Variants in EFNB2 observed in about 807,000 individuals in gnomAD.
The protein encoded by EFNB2 is ephrin-B2.
Under a neutral mutation model 32.1 loss-of-function variants are expected in EFNB2, and 5 were observed. The observed-to-expected ratio is 0.16, with a 90% CI of 0.08 to 0.33. The LOEUF (loss-of-function observed/expected upper bound fraction) is 0.33, where lower values mean the gene tolerates loss of function less well. Among genes scored for constraint, EFNB2 ranks in the 10% least tolerant of loss-of-function variants. The pLI is 1.00. For missense variants in EFNB2, 263 were observed against 422.6 expected (o/e 0.62, Z 3.31); for synonymous variants, 168 against 166.5 (o/e 1.01, Z -0.07).
Position 106,512,542 on chromosome 13 carries a change from A to G in EFNB2, c.393T>C (p.Asp131=), listed in dbSNP as rs770243109. 4 of 1,599,344 alleles carry G rather than the reference A, an allele frequency of 2.5e-6. No individual in the cohort carries two copies. The South Asian group carries it at 3.4e-5, about 14-fold the overall frequency. The change falls in exon 2 of 5, where the codon GAT becomes GAC. Residue 131 remains aspartate, a synonymous_variant. Coordinates refer to ENST00000646441, the MANE Select transcript of EFNB2 (RefSeq NM_004093.4). ...AATTATACTTACATATAATGTAATA[A>G]TCTTTGTTCTTCTGAAATTCTAGAC... ...LWGLEFQKNK[D]YYIISTSNGS...
Position 106,535,039 on chromosome 13 carries a change from C to T in EFNB2, c.-75G>A. Reference sequence around the variant, plus strand: ...GGGACGCAGGCTGGGACCCCCAATCCTCCGGGGCAGACTGGCGGGGAAGAC... The same window carrying T: ...GGGACGCAGGCTGGGACCCCCAATCTTCCGGGGCAGACTGGCGGGGAAGAC... On this transcript the variant is annotated 5_prime_UTR_variant, in exon 1 of 5. Coordinates refer to ENST00000646441, the MANE Select transcript of EFNB2 (RefSeq NM_004093.4). 1.3e-6 allele frequency: 2 copies of T among 1,574,498 alleles called. No homozygotes were observed. Among genetic ancestry groups the T allele is most frequent in the South Asian group, 1.1e-5 (1 of 87,316 alleles).
chr13:106,532,910 C>A (rs1879928523), intron 1 of EFNB2, among the ~76,000 whole-genome samples: 1 of 151,978 alleles, frequency 6.6e-6, no homozygotes, highest in African/African-American at 2.4e-5. Flanking sequence ...ACGTCTAAAC[C>A]TTAGGTTGAA....
intron 1 of EFNB2, among the ~76,000 whole-genome samples, chr13:106,514,820 G>A (rs1422609513): frequency 1.3e-5 from 2 of 152,072 alleles, no homozygotes; most frequent in Non-Finnish European, 2.9e-5. Flanking sequence ...AGCCCTGGGG[G>A]CATCCCAGGC....
chr13:106,504,677 AC>A (rs1878892321), intron 2 of EFNB2, among the ~76,000 whole-genome samples: 1 of 152,204 alleles, frequency 6.6e-6, no homozygotes, highest in Non-Finnish European at 1.5e-5. Flanking sequence ...CTTGCAAAGC[AC>A]AACTGTCACC....
rs1019615548 is a variant in EFNB2, at chr13:106,535,430, T to C, written c.-466A>G. The C allele has an allele frequency of 1.3e-5, 2 of 148,810 alleles. No individual in the cohort carries two copies. The highest frequency in any genetic ancestry group is 4.9e-5 in the African/African-American group (2 of 40,514). 9.2% of individuals were successfully genotyped at this position (148,810 alleles called of 1,614,324 possible). On this transcript the variant is annotated 5_prime_UTR_variant, in exon 1 of 5. Transcript: ENST00000646441. Reference sequence around the variant, plus strand: ...GCGGCCCGAGCGCGCGGGCGCCGCGTCGGCGCGGTTCCATGTCCCGGAGCA... The same window carrying C: ...GCGGCCCGAGCGCGCGGGCGCCGCGCCGGCGCGGTTCCATGTCCCGGAGCA...
intron 1 of EFNB2, among the ~76,000 whole-genome samples, chr13:106,534,288 G>A (rs1175208735): frequency 2.0e-5 from 3 of 152,054 alleles, no homozygotes; most frequent in Admixed American, 2.0e-4. Flanking sequence ...GCGCACCCTC[G>A]GGCTGGCGGC....
intron 1 of EFNB2, among the ~76,000 whole-genome samples, chr13:106,526,046 C>T (rs1879689924): frequency 6.6e-6 from 1 of 152,242 alleles, no homozygotes; most frequent in African/African-American, 2.4e-5. Context: ...CACCTGGGAG[C>T]TTGTTAAACA....
chr13:106,523,206 A>G (rs1180891149), intron 1 of EFNB2, among the ~76,000 whole-genome samples: 1 of 152,188 alleles, frequency 6.6e-6, no homozygotes, highest in Non-Finnish European at 1.5e-5. Flanking sequence ...AGCAGGCTAC[A>G]AAACAGCCAG....
intron 1 of EFNB2, among the ~76,000 whole-genome samples, chr13:106,513,767 G>A (rs375991437): frequency 6.8e-6 from 1 of 146,740 alleles, no homozygotes; most frequent in Non-Finnish European, 1.5e-5. Context: ...CAGCTCGTTC[G>A]TAAGCAGCCA....
At chr13:106,528,971 G>A (rs1879789735) in intron 1 of EFNB2, among the ~76,000 whole-genome samples, 1 of 152,098 alleles carries the variant, frequency 6.6e-6, no homozygotes, top group South Asian at 2.1e-4. Flanking sequence ...TTACATCTAG[G>A]TAGAGCCCAC....
At chr13:106,516,875 T>C (rs1879329817) in intron 1 of EFNB2, 1 of 152,294 alleles carries the variant, frequency 6.6e-6, no homozygotes, top group South Asian at 2.1e-4. Context: ...ATATTACATA[T>C]GGACTCCAGA....
At chr13:106,534,797 G>A (rs773185127) in intron 1 of EFNB2, 46 bp downstream of exon 1, 1 of 1,573,214 alleles carries the variant, frequency 6.4e-7, no homozygotes, top group South Asian at 1.1e-5. Context: ...GGACGGCGCG[G>A]CGGACCCCGG....
At chr13:106,498,179 G>T (rs553296498) in intron 2 of EFNB2, among the ~76,000 whole-genome samples, 17 of 152,086 alleles carry the variant, frequency 1.1e-4, no homozygotes, top group African/African-American at 4.1e-4. Context: ...GATCTGAAGG[G>T]CAGTGCACAG....
intron 1 of EFNB2, among the ~76,000 whole-genome samples, chr13:106,533,777 T>C (rs770610140): frequency 2.0e-5 from 3 of 152,190 alleles, no homozygotes; most frequent in Non-Finnish European, 2.9e-5. Context: ...TGCATACTTC[T>C]TCTCCAAGTT....
chr13:106,522,969 A>G (rs535142266), intron 1 of EFNB2, among the ~76,000 whole-genome samples: 4 of 152,338 alleles, frequency 2.6e-5, no homozygotes, highest in South Asian at 2.1e-4. Context: ...CTCTTTTGCT[A>G]TAAGAGATTC....
chr13:106,499,682 T>C (rs1166905652), intron 2 of EFNB2, among the ~76,000 whole-genome samples: 1 of 152,188 alleles, frequency 6.6e-6, no homozygotes, highest in Non-Finnish European at 1.5e-5. Context: ...AACTAAGCTT[T>C]TAGGGCCCAG....
At chr13:106,527,433 T>C (rs988727369) in intron 1 of EFNB2, among the ~76,000 whole-genome samples, 2 of 152,176 alleles carry the variant, frequency 1.3e-5, no homozygotes, top group Non-Finnish European at 2.9e-5. Flanking sequence ...GAGCACACTA[T>C]TAATACTCCA....
rs1249787086 is a variant in EFNB2, at chr13:106,518,832, C to T, written c.123-6020G>A. 3 of 152,176 alleles carry T rather than the reference C, an allele frequency of 2.0e-5. No individual in the cohort carries two copies. Among genetic ancestry groups the T allele is most frequent in the Non-Finnish European group, 2.9e-5 (2 of 68,028 alleles). The allele number at this position is 152,176 out of a possible 1,614,324, so 9.4% of individuals were successfully genotyped here. A position where few individuals can be genotyped will look rare whatever the true frequency, so the allele number is the denominator to read the frequency against. On this transcript the variant is annotated intron_variant, in intron 1 of 4. Transcript: ENST00000646441. The surrounding 1 kb of genome is among the most constrained non-coding windows in gnomAD (Gnocchi z 4.1). The stretch of plus-strand genomic sequence containing the variant: ...CATACTACACGCACCTTAGCACAAA[C>T]ATCTGATGCCTTCTTACAAGTTTTC...
chr13:106,509,656 TG>T (rs1879071335), intron 2 of EFNB2, among the ~76,000 whole-genome samples: 2 of 151,770 alleles, frequency 1.3e-5, no homozygotes, highest in African/African-American at 4.8e-5. Flanking sequence ...TGTGTGTGTG[TG>T]TGTGTGTGTG....
Sources: gnomAD v4.1 joint callset for allele counts (sites outside exome capture counted in the v4.1 genomes callset) on GRCh38, gnomAD v4.1.1 for gene constraint, Gnocchi (gnomAD v3.1) non-coding constraint, MANE v1.5 for transcripts, NCBI Gene and HGNC (gene_info 2026-07-23, HGNC 2026-07-21) for gene names.